Variants in PTPN6 observed in about 807,000 individuals in gnomAD.
PTPN6 encodes the protein tyrosine-protein phosphatase non-receptor type 6.
In PTPN6, 18 loss-of-function variants were observed where a neutral mutation model predicts 81.5. The ratio of observed to expected loss-of-function variants is 0.22; its 90% CI spans 0.15 to 0.33. PTPN6 has a LOEUF of 0.33. PTPN6 is among the 10% of genes least tolerant of loss of function. PTPN6 has a pLI of 1.00. For missense variants in PTPN6, 500 were observed against 794.2 expected, an observed-to-expected ratio of 0.63 and a Z score of 4.45; for synonymous variants, 301 against 310.9, an observed-to-expected ratio of 0.97 and a Z score of 0.33.
chr12:6,960,143 C>T lies in PTPN6; in HGVS notation c.1485C>T (p.Arg495=). The change falls in exon 13 of 16, where the codon CGC becomes CGT. Residue 495 remains arginine, a synonymous_variant. Transcript: ENST00000318974. This position sits in a 1 kb window ranked among gnomAD's most constrained non-coding sequence, Gnocchi z 6.1. ...CCATCCAGATGGTGCGGGCGCAGCG[C>T]TCGGGCATGGTGCAGACGGAGGCGC... is the stretch of plus-strand genomic sequence containing the variant. The part of the protein sequence containing the change: ...QKTIQMVRAQ[R]SGMVQTEAQY... The T allele has an allele frequency of 1.2e-6, 2 of 1,613,716 alleles. No individual in the cohort carries two copies. Among genetic ancestry groups the T allele is most frequent in the Non-Finnish European group, 1.7e-6 (2 of 1,180,006 alleles).
chr12:6,957,907 T>C lies in PTPN6; in HGVS notation c.1207-12T>C. ...GAGAGGAGGGGGCACTGACCCTATG[T>C]CCTCGGCTTAGGGAGACCTGATTCG... On this transcript the variant is annotated splice_polypyrimidine_tract_variant and intron_variant, in intron 10 of 15. Coordinates refer to ENST00000318974, the MANE Select transcript of PTPN6 (RefSeq NM_002831.6). The surrounding 1 kb of genome is among the most constrained non-coding windows in gnomAD (Gnocchi z 6.5). The C allele has an allele frequency of 6.2e-7, 1 of 1,613,966 alleles. No homozygotes were observed. The highest frequency in any genetic ancestry group is 8.5e-7 in the Non-Finnish European group (1 of 1,180,002).
At chr12:6,950,902 T>C (rs1420725858), upstream of PTPN6, among the ~76,000 whole-genome samples, 1 of 152,200 alleles carries the variant, frequency 6.6e-6, no homozygotes, top group Non-Finnish European at 1.5e-5. Context: ...AGATAGCCCC[T>C]GTTTCATAGG....
At chr12:6,947,616 C>T (rs1945847681), upstream of PTPN6, among the ~76,000 whole-genome samples, 1 of 146,234 alleles carries the variant, frequency 6.8e-6, no homozygotes, top group Non-Finnish European at 1.5e-5. Context: ...CTGCAGTCAG[C>T]GATGATTGCA....
Position 6,955,405 on chromosome 12 carries a change from A to T in PTPN6, c.667A>T (p.Ile223Phe). Reference protein sequence around the residue: ...YYATRVNAADIENRVLELNKK... With the variant: ...YYATRVNAADFENRVLELNKK... Reference sequence around the variant, plus strand: ...TGCCACGAGGGTGAATGCGGCTGACATTGAGAACCGAGTGTTGGAACTGAA... The same window carrying T: ...TGCCACGAGGGTGAATGCGGCTGACTTTGAGAACCGAGTGTTGGAACTGAA... Residue 223 changes from isoleucine (I) to phenylalanine (F), a missense_variant, in exon 6 of 16, where the codon ATT (isoleucine) becomes TTT (phenylalanine). Physicochemically the swap from Ile to Phe is conservative, Grantham distance 21 (BLOSUM62 0). This residue lies in a region of PTPN6 where 96 missense variants were observed against 137.3 expected (regional missense o/e 0.70). Coordinates refer to ENST00000318974, the MANE Select transcript of PTPN6 (RefSeq NM_002831.6). The surrounding 1 kb of genome is among the most constrained non-coding windows in gnomAD (Gnocchi z 7.2). 1 of 1,614,076 alleles carries T rather than the reference A, an allele frequency of 6.2e-7. No individual in the cohort carries two copies.
In PTPN6 at chr12:6,952,325, C is replaced by T. The variant is rs1945941306; in HGVS notation, c.326+148C>T. On this transcript the variant is annotated intron_variant, in intron 3 of 15. Transcript: ENST00000318974. This position sits in a 1 kb window ranked among gnomAD's most constrained non-coding sequence, Gnocchi z 8.1. ...ACCAGCTGGGGCTCTCAATGTCCCT[C>T]CTCCCTGCTGTCCTGGGACCTGGTG... 3 of 901,986 alleles carry T rather than the reference C, an allele frequency of 3.3e-6. No homozygotes were observed. The highest frequency in any genetic ancestry group is 5.2e-5 in the East Asian group (2 of 38,402). The allele number at this position is 901,986 out of a possible 1,614,324, so 55.9% of individuals were successfully genotyped here.
chr12:6,946,747 C>T (rs782281103), upstream of PTPN6: 5 of 1,611,468 alleles, frequency 3.1e-6, no homozygotes, highest in South Asian at 1.1e-5. Flanking sequence ...TGGGTAAGTC[C>T]CGGGCACCAT....
Position 6,951,880 on chromosome 12 carries a change from G to T in PTPN6, c.132-103G>T. On this transcript the variant is annotated intron_variant, in intron 2 of 15. Transcript: ENST00000318974. This position sits in a 1 kb window ranked among gnomAD's most constrained non-coding sequence, Gnocchi z 7.2. The stretch of plus-strand genomic sequence containing the variant: ...CCCCACACTCCCCATCCCTGTCTGT[G>T]CCCACCCATGCCCATGTGTGCCCCC... 2 of 1,534,834 alleles carry T rather than the reference G, an allele frequency of 1.3e-6. No individual in the cohort carries two copies.
chr12:6,947,304 G>A (rs1459230539), upstream of PTPN6, among the ~76,000 whole-genome samples: 11 of 152,232 alleles, frequency 7.2e-5, no homozygotes, highest in Admixed American at 7.2e-4. Flanking sequence ...ACATTCCAGT[G>A]GGAGGTTACA....
chr12:6,950,722 T>C (rs1323527851), upstream of PTPN6, among the ~76,000 whole-genome samples: 2 of 152,204 alleles, frequency 1.3e-5, no homozygotes, highest in Non-Finnish European at 2.9e-5. Context: ...AAGGAGGCTC[T>C]TAATCTCTGT....
chr12:6,960,235 T>C lies in PTPN6; in HGVS notation c.1577T>C (p.Leu526Pro). The change falls in exon 13 of 16, where the codon CTG (leucine) becomes CCG (proline). Residue 526 changes from leucine to proline, a missense_variant. Leu to Pro is a moderately conservative substitution (Grantham distance 98, BLOSUM62 -3). Transcript: ENST00000318974. This position sits in a 1 kb window ranked among gnomAD's most constrained non-coding sequence, Gnocchi z 6.1. ...IETTKKKLEV[L>P]QSQKGQESEY... ...ACCACTAAGAAGAAGCTGGAGGTCC[T>C]GCAGGTGCGTGCAGAGCAGGGCCTG... is the stretch of plus-strand genomic sequence containing the variant. The C allele has an allele frequency of 6.6e-7, 1 of 1,511,904 alleles. No individual in the cohort carries two copies. The highest frequency in any genetic ancestry group is 9.0e-7 in the Non-Finnish European group (1 of 1,112,972). The allele number at this position is 1,511,904 out of a possible 1,614,324, so 93.7% of individuals were successfully genotyped here.
At position 6,957,538 on chromosome 12, in the gene PTPN6, C is replaced by T. The variant is rs748182101; in HGVS notation, c.1075-116C>T. 24 of 1,362,858 alleles carry T rather than the reference C, an allele frequency of 1.8e-5. No homozygotes were observed. Among genetic ancestry groups the T allele is most frequent in the South Asian group, 1.5e-4 (12 of 79,836 alleles). The allele number at this position is 1,362,858 out of a possible 1,614,324, so 84.4% of individuals were successfully genotyped here. On this transcript the variant is annotated intron_variant, in intron 9 of 15. Transcript: ENST00000318974. The surrounding 1 kb of genome is among the most constrained non-coding windows in gnomAD (Gnocchi z 6.5). ...TCTCCTGCCTCTCTGCCAGCCCATC[C>T]GTCCATCCAACAAATGTTTGGGCCG...
rs1945954611 is a variant in PTPN6 at position 6,952,988 on chromosome 12, G to A, written c.326+811G>A. Reference sequence around the variant, plus strand: ...ATGCACCCCTGGGCCAAGCCGACTTGCCCTTGCCGTGGATCCCTGCATTCA... The same window carrying A: ...ATGCACCCCTGGGCCAAGCCGACTTACCCTTGCCGTGGATCCCTGCATTCA... On this transcript the variant is annotated intron_variant, in intron 3 of 15. Transcript: ENST00000318974. The surrounding 1 kb of genome is among the most constrained non-coding windows in gnomAD (Gnocchi z 8.1). 6.6e-6 allele frequency: 1 copy of A among 152,204 alleles called. No individual in the cohort carries two copies. The highest frequency in any genetic ancestry group is 2.4e-5 in the African/African-American group (1 of 41,434). 9.4% of individuals were successfully genotyped at this position (152,204 alleles called of 1,614,324 possible).
At position 6,959,152 on chromosome 12, in the gene PTPN6, C is replaced by T. The variant is rs1445742010; in HGVS notation, c.1362-775C>T. On this transcript the variant is annotated intron_variant, in intron 11 of 15. Coordinates refer to ENST00000318974, the MANE Select transcript of PTPN6 (RefSeq NM_002831.6). The surrounding 1 kb of genome is among the most constrained non-coding windows in gnomAD (Gnocchi z 6.6). ...CGATGGGCTGTCCGGGGACGCGGCT[C>T]TGTCCTGTGCTCTCTCAGGGACAGG... Among the ~76,000 whole-genome samples the T allele has an allele frequency of 6.6e-6, 1 of 152,242 alleles. No individual in the cohort carries two copies. The highest frequency in any genetic ancestry group is 2.4e-5 in the African/African-American group (1 of 41,472).
upstream of PTPN6, among the ~76,000 whole-genome samples, chr12:6,949,295 A>T (rs1945887446): frequency 6.6e-6 from 1 of 152,194 alleles, no homozygotes; most frequent in Non-Finnish European, 1.5e-5. Flanking sequence ...ACGGCCAGGC[A>T]CTGCCCATGT....
Position 6,957,569 on chromosome 12 carries a change from A to G in PTPN6, c.1075-85A>G. 1 of 1,524,444 alleles carries G rather than the reference A, an allele frequency of 6.6e-7. No homozygotes were observed. The highest frequency in any genetic ancestry group is 9.0e-7 in the Non-Finnish European group (1 of 1,117,160). The allele number at this position is 1,524,444 out of a possible 1,614,324, so 94.4% of individuals were successfully genotyped here. On this transcript the variant is annotated intron_variant, in intron 9 of 15. Transcript: ENST00000318974. The surrounding 1 kb of genome is among the most constrained non-coding windows in gnomAD (Gnocchi z 6.5). Reference sequence around the variant, plus strand: ...TCCAACAAATGTTTGGGCCGGTGCCAGGCACTCAGAACATAGAGCAGGACC... The same window carrying G: ...TCCAACAAATGTTTGGGCCGGTGCCGGGCACTCAGAACATAGAGCAGGACC...
Position 6,959,673 on chromosome 12 carries a change from C to T in PTPN6, c.1362-254C>T, listed in dbSNP as rs982204743. On this transcript the variant is annotated intron_variant, in intron 11 of 15. Transcript: ENST00000318974. This position sits in a 1 kb window ranked among gnomAD's most constrained non-coding sequence, Gnocchi z 6.6. ...ACTCACTAGGAGTGAGGAGTCGGCG[C>T]GAGGAGTGGAGGAGGGAAGGATGGT... 3.9e-5 allele frequency: 23 copies of T among 587,784 alleles called. No homozygotes were observed. The highest frequency in any genetic ancestry group is 1.6e-4 in the South Asian group (8 of 50,826). The allele number at this position is 587,784 out of a possible 1,614,324, so 36.4% of individuals were successfully genotyped here.
At position 6,959,520 on chromosome 12, in the gene PTPN6, A is replaced by C; in HGVS notation, c.1362-407A>C. On this transcript the variant is annotated intron_variant, in intron 11 of 15. Transcript: ENST00000318974. This position sits in a 1 kb window ranked among gnomAD's most constrained non-coding sequence, Gnocchi z 6.6. ...ACGTCAGGGTTTGAAGGAAAAGGGA[A>C]GTGAAGCCATGCTGAGAGACGCTCC... 1 of 331,822 alleles carries C rather than the reference A, an allele frequency of 3.0e-6. No homozygotes were observed. The highest frequency in any genetic ancestry group is 5.8e-6 in the Non-Finnish European group (1 of 173,366). The allele number at this position is 331,822 out of a possible 1,614,324, so 20.6% of individuals were successfully genotyped here. A position where few individuals can be genotyped will look rare whatever the true frequency, so the allele number is the denominator to read the frequency against.
rs1555147741 is a variant in PTPN6 at position 6,951,588 on chromosome 12, T to C, written c.9-21T>C. On this transcript the variant is annotated intron_variant, in intron 1 of 15. Transcript: ENST00000318974. The surrounding 1 kb of genome is among the most constrained non-coding windows in gnomAD (Gnocchi z 7.2). ...TGGTGCCCACGGGACCCCTCCTCAC[T>C]GCCCTGCCTGGGCCGCCCAGGTGGT... The C allele has an allele frequency of 1.2e-6, 2 of 1,613,648 alleles. No individual in the cohort carries two copies. The highest frequency in any genetic ancestry group is 8.5e-7 in the Non-Finnish European group (1 of 1,179,922).
intron 3 of PTPN6, chr12:6,953,413 A>G (rs1390378028): frequency 6.6e-6 from 1 of 152,234 alleles, no homozygotes; most frequent in Non-Finnish European, 1.5e-5. Flanking sequence ...AGGCCCCTGC[A>G]GAGGAGGCTG....
Sources: gnomAD v4.1 joint callset for allele counts (sites outside exome capture counted in the v4.1 genomes callset) on GRCh38, gnomAD v4.1.1 for gene constraint, gnomAD v4.1.1 regional missense constraint, Gnocchi (gnomAD v3.1) non-coding constraint, MANE v1.5 for transcripts, NCBI Gene and HGNC (gene_info 2026-07-23, HGNC 2026-07-21) for gene names.